LCORL: variants seen among roughly 807,000 people sequenced by gnomAD.
LCORL encodes the protein ligand dependent nuclear receptor corepressor like.
A neutral mutation model predicts 141.8 loss-of-function variants in LCORL; 41 were observed. The observed-to-expected ratio is 0.29, with a 90% CI of 0.23 to 0.38. The LOEUF (loss-of-function observed/expected upper bound fraction) is 0.38, where lower values mean the gene tolerates loss of function less well. Among genes scored for constraint, LCORL ranks in the 10% least tolerant of loss-of-function variants. The pLI is 1.00. For synonymous variants in LCORL, 618 were observed against 694.1 expected (o/e 0.89, Z 1.72); for missense variants, 1,759 against 2,035.0 (o/e 0.86, Z 2.61).
intron 6 of LCORL, chr4:17,883,694 T>G: frequency 6.9e-7 from 1 of 1,448,886 alleles, no homozygotes. Context: ...ACACACACAC[T>G]CACAAACATT....
At chr4:17,921,560 A>G (rs1734306043) in intron 4 of LCORL, among the ~76,000 whole-genome samples, 1 of 152,206 alleles carries the variant, frequency 6.6e-6, no homozygotes, top group African/African-American at 2.4e-5. Flanking sequence ...GTATATCTCC[A>G]TCAGAGCTCT....
At chr4:17,854,289 C>T (rs6837666) in intron 7 of LCORL, among the ~76,000 whole-genome samples, 30,728 of 151,982 alleles carry the variant, frequency 0.2, 3,664 homozygotes, top group African/African-American at 0.33. Flanking sequence ...GCACTTGGCA[C>T]AGAGAATAGA....
chr4:18,010,184 G>C (rs2109867032), intron 1 of LCORL, among the ~76,000 whole-genome samples: 1 of 152,142 alleles, frequency 6.6e-6, no homozygotes, highest in East Asian at 1.9e-4. Context: ...AAAGTTAATT[G>C]AAAATTATAA....
chr4:18,009,452 C>T (rs546955122), intron 1 of LCORL, among the ~76,000 whole-genome samples: 22 of 152,164 alleles, frequency 1.4e-4, no homozygotes, highest in African/African-American at 4.1e-4. Context: ...GAATATCCTC[C>T]CTACCCTGCT....
intron 2 of LCORL, among the ~76,000 whole-genome samples, chr4:17,963,869 C>T (rs184460922): frequency 1.3e-5 from 2 of 151,956 alleles, no homozygotes; most frequent in African/African-American, 2.4e-5. Flanking sequence ...ACATAAAAAC[C>T]ATTATCATCT....
intron 3 of LCORL, 80 bp from the exon 4 acceptor site, chr4:17,962,112 T>A (rs1456009590): frequency 3.1e-6 from 3 of 954,190 alleles, no homozygotes; most frequent in African/African-American, 1.7e-5. Flanking sequence ...GACAAAAAAT[T>A]AATGCTCTAA....
intron 1 of LCORL, among the ~76,000 whole-genome samples, chr4:17,982,099 C>CGCGT (rs1195898544): frequency 2.2e-5 from 3 of 136,470 alleles, no homozygotes; most frequent in African/African-American, 5.6e-5. Flanking sequence ...AGTATTCCAT[C>CGCGT]GTGTGTGTGT....
rs1215628998 is a variant in LCORL, at chr4:18,021,250, G to T, written c.154+348C>A. On this transcript the variant is annotated intron_variant, in intron 1 of 7. Transcript: ENST00000635767. The surrounding 1 kb of genome is among the most constrained non-coding windows in gnomAD (Gnocchi z 5.5). The stretch of plus-strand genomic sequence containing the variant: ...GCCGACCCACCGGGCCGCTTCCTCC[G>T]TCCTGTCAGGGTGGACGGCGGGCGA... Among the ~76,000 whole-genome samples the T allele has an allele frequency of 1.3e-5, 2 of 152,120 alleles. No homozygotes were observed. Among genetic ancestry groups the T allele is most frequent in the Admixed American group, 6.5e-5 (1 of 15,278 alleles).
At chr4:17,954,253 G>A (rs141788701) in intron 4 of LCORL, among the ~76,000 whole-genome samples, 175 of 152,252 alleles carry the variant, frequency 1.1e-3, no homozygotes, top group African/African-American at 3.9e-3. Flanking sequence ...GCAGTGCATC[G>A]TCAGGAGAGA....
At chr4:17,847,394 T>C (rs1723059130) in intron 7 of LCORL, among the ~76,000 whole-genome samples, 1 of 152,186 alleles carries the variant, frequency 6.6e-6, no homozygotes, top group Non-Finnish European at 1.5e-5. Context: ...CCAACTCATA[T>C]GCCATTCAAT....
rs886120142 is a variant in LCORL at position 17,921,719 on chromosome 4, A to T, written c.431-12374T>A. Among the ~76,000 whole-genome samples, 6 of 152,120 alleles carry T rather than the reference A, an allele frequency of 3.9e-5. No individual in the cohort carries two copies. In the South Asian group the frequency reaches 1.2e-3, roughly 32 times the overall value. On this transcript the variant is annotated intron_variant, in intron 4 of 7. Coordinates refer to ENST00000635767, the Ensembl canonical transcript of LCORL. ...AGTATTGTTCCTGGTTGTGTCTGGG[A>T]GGGTGTTGCAAAGGAGATTAACATT...
At chr4:17,900,806 A>G (rs1249351669) in intron 5 of LCORL, among the ~76,000 whole-genome samples, 2 of 152,244 alleles carry the variant, frequency 1.3e-5, no homozygotes, top group Non-Finnish European at 2.9e-5. Flanking sequence ...AAGATCCAAA[A>G]TATGTCTAAA....
intron 6 of LCORL, among the ~76,000 whole-genome samples, chr4:17,885,587 A>T (rs77612492): frequency 3.3e-5 from 5 of 152,024 alleles, no homozygotes; most frequent in African/African-American, 1.2e-4. Context: ...TTTTCAAAAC[A>T]TGAGAGGACT....
intron 1 of LCORL, among the ~76,000 whole-genome samples, chr4:18,001,255 A>T (rs1301420689): frequency 2.0e-5 from 3 of 152,012 alleles, no homozygotes; most frequent in African/African-American, 7.3e-5. Flanking sequence ...GGATTAAAGG[A>T]TATAATACAT....
chr4:17,916,076 CAAAG>C (rs1235461568), intron 4 of LCORL, among the ~76,000 whole-genome samples: 6 of 152,158 alleles, frequency 3.9e-5, no homozygotes, highest in African/African-American at 9.7e-5. Flanking sequence ...TCAGGCCTCT[CAAAG>C]AAAGTATCAA....
chr4:17,867,121 G>A (rs751475522), intron 7 of LCORL: 6 of 230,860 alleles, frequency 2.6e-5, no homozygotes, highest in Non-Finnish European at 4.3e-5. Flanking sequence ...ATATTGACCC[G>A]TAAAGATCAA....
intron 1 of LCORL, among the ~76,000 whole-genome samples, chr4:17,976,249 A>T (rs904245374): frequency 2.0e-5 from 3 of 152,160 alleles, no homozygotes; most frequent in Non-Finnish European, 2.9e-5. Flanking sequence ...TTAGACCATT[A>T]AAATTGAATG....
chr4:17,896,385 G>A (rs909660024), intron 5 of LCORL, among the ~76,000 whole-genome samples: 7 of 152,252 alleles, frequency 4.6e-5, no homozygotes, highest in Middle Eastern at 6.8e-3. Context: ...CCAGGTTCAA[G>A]CGATTCTCCT....
At chr4:18,011,364 G>A (rs550460480) in intron 1 of LCORL, among the ~76,000 whole-genome samples, 4 of 150,296 alleles carry the variant, frequency 2.7e-5, no homozygotes, top group African/African-American at 9.8e-5. Context: ...CCTCAAACCT[G>A]CACCAACAAC....
Sources: gnomAD v4.1 joint callset for allele counts (sites outside exome capture counted in the v4.1 genomes callset) on GRCh38, gnomAD v4.1.1 for gene constraint, Gnocchi (gnomAD v3.1) non-coding constraint, MANE v1.5 for transcripts, NCBI Gene and HGNC (gene_info 2026-07-23, HGNC 2026-07-21) for gene names.